Variants in TMTC2 observed in about 807,000 individuals in gnomAD.
TMTC2 encodes the protein protein O-mannosyl-transferase TMTC2.
A neutral mutation model predicts 82.4 loss-of-function variants in TMTC2; 43 were observed. That is an observed-to-expected ratio of 0.52 (90% CI 0.41 to 0.67). The LOEUF is 0.67. Ranked by LOEUF, TMTC2 falls within the 30% of genes least tolerant of loss-of-function variation. TMTC2 has a pLI of 0.00. For synonymous variants in TMTC2, 408 were observed against 381.9 expected (o/e 1.07, Z -0.80); for missense variants, 919 against 1,012.4 (o/e 0.91, Z 1.25).
intron 1 of TMTC2, among the ~76,000 whole-genome samples, chr12:82,773,209 A>T (rs1378458861): frequency 6.6e-6 from 1 of 152,196 alleles, no homozygotes; most frequent in Non-Finnish European, 1.5e-5. Flanking sequence ...CAGTGACTAC[A>T]GCTTCTATGT....
chr12:83,077,825 G>A (rs559778053), intron 11 of TMTC2, among the ~76,000 whole-genome samples: 9 of 148,116 alleles, frequency 6.1e-5, no homozygotes, highest in Middle Eastern at 3.7e-3. Context: ...CACCTACTTC[G>A]GCCTCCCAAA....
chr12:82,983,604 A>G (rs1879024834), intron 7 of TMTC2, among the ~76,000 whole-genome samples: 1 of 152,108 alleles, frequency 6.6e-6, no homozygotes, highest in Admixed American at 6.6e-5. Flanking sequence ...TTTTCTGTAC[A>G]GAAGACCTAG....
intron 1 of TMTC2, among the ~76,000 whole-genome samples, chr12:82,794,064 A>G (rs1177524796): frequency 1.1e-4 from 16 of 152,132 alleles, no homozygotes; most frequent in Admixed American, 1.0e-3. Context: ...AGGGTGCTTC[A>G]GTCACTCACT....
At chr12:82,691,691 C>G (rs1592851160) in intron 1 of TMTC2, among the ~76,000 whole-genome samples, 3 of 152,126 alleles carry the variant, frequency 2.0e-5, no homozygotes. Flanking sequence ...AAAGTTCTCT[C>G]TAATAGACTT....
At chr12:82,764,224 G>A (rs1172238218) in intron 1 of TMTC2, among the ~76,000 whole-genome samples, 7 of 152,022 alleles carry the variant, frequency 4.6e-5, no homozygotes, top group Non-Finnish European at 8.8e-5. Context: ...TGCAACCTCC[G>A]CCTCCCGGGT....
At chr12:82,812,668 T>A (rs1329476441) in intron 1 of TMTC2, among the ~76,000 whole-genome samples, 2 of 152,116 alleles carry the variant, frequency 1.3e-5, no homozygotes, top group East Asian at 3.8e-4. Flanking sequence ...TGTAGGTTTA[T>A]TGAAATAATT....
intron 7 of TMTC2, among the ~76,000 whole-genome samples, chr12:82,970,134 T>A (rs1241025001): frequency 1.3e-5 from 2 of 152,218 alleles, no homozygotes; most frequent in Non-Finnish European, 2.9e-5. Flanking sequence ...AAATTATGGC[T>A]TTGATACTTT....
At chr12:82,836,318 T>C (rs1318851699) in intron 1 of TMTC2, among the ~76,000 whole-genome samples, 1 of 152,164 alleles carries the variant, frequency 6.6e-6, no homozygotes, top group Non-Finnish European at 1.5e-5. Flanking sequence ...ACAGATATGA[T>C]TGAATTAAGA....
At chr12:82,931,837 G>A (rs1257677908) in intron 4 of TMTC2, among the ~76,000 whole-genome samples, 3 of 152,052 alleles carry the variant, frequency 2.0e-5, no homozygotes, top group Non-Finnish European at 2.9e-5. Flanking sequence ...TATTAATCCC[G>A]GAAAAAGTTG....
intron 7 of TMTC2, among the ~76,000 whole-genome samples, chr12:82,977,589 T>C (rs1878730433): frequency 1.3e-5 from 2 of 151,818 alleles, no homozygotes; most frequent in African/African-American, 4.8e-5. Context: ...AAAGTATATT[T>C]CATGTGGAAT....
intron 2 of TMTC2, among the ~76,000 whole-genome samples, chr12:82,862,004 A>T (rs1347643796): frequency 6.6e-6 from 1 of 152,212 alleles, no homozygotes; most frequent in Non-Finnish European, 1.5e-5. Context: ...TACAATGAGA[A>T]TTTCATTCCT....
intron 3 of TMTC2, among the ~76,000 whole-genome samples, chr12:82,916,488 C>G (rs1565808363): frequency 6.6e-6 from 1 of 152,018 alleles, no homozygotes; most frequent in East Asian, 1.9e-4. Flanking sequence ...CATGCAAACC[C>G]CAAAATAAAA....
intron 1 of TMTC2, among the ~76,000 whole-genome samples, chr12:82,702,325 A>G (rs1873125503): frequency 6.6e-6 from 1 of 152,200 alleles, no homozygotes; most frequent in African/African-American, 2.4e-5. Flanking sequence ...GTCTAACAGC[A>G]AGTGGAAAGC....
chr12:83,074,874 G>A (rs976760319), intron 11 of TMTC2, among the ~76,000 whole-genome samples: 2 of 152,096 alleles, frequency 1.3e-5, no homozygotes, highest in Admixed American at 6.5e-5. Context: ...TAAGCTCCCC[G>A]CTAAGTTCAG....
intron 7 of TMTC2, among the ~76,000 whole-genome samples, chr12:82,970,347 C>CG (rs1435990560): frequency 1.3e-5 from 2 of 152,228 alleles, no homozygotes; most frequent in African/African-American, 4.8e-5. Context: ...CTTTTTGAGA[C>CG]GGAGTCTCGC....
chr12:82,879,993 A>T (rs1212971831), intron 2 of TMTC2, among the ~76,000 whole-genome samples: 1 of 152,208 alleles, frequency 6.6e-6, no homozygotes, highest in Non-Finnish European at 1.5e-5. Context: ...AGGCAATTAT[A>T]CACAGCCTTC....
intron 11 of TMTC2, among the ~76,000 whole-genome samples, chr12:83,077,200 T>C (rs1883308470): frequency 6.6e-6 from 1 of 152,102 alleles, no homozygotes; most frequent in Non-Finnish European, 1.5e-5. Flanking sequence ...ATTTGAGAAA[T>C]GGCATGTGCA....
At chr12:83,074,280 C>T (rs1160813432) in intron 11 of TMTC2, among the ~76,000 whole-genome samples, 1 of 152,154 alleles carries the variant, frequency 6.6e-6, no homozygotes, top group African/African-American at 2.4e-5. Flanking sequence ...CTACCAGGCT[C>T]CGTGCTGGTA....
At chr12:82,842,678 C>G (rs1178516761) in intron 1 of TMTC2, among the ~76,000 whole-genome samples, 1 of 152,118 alleles carries the variant, frequency 6.6e-6, no homozygotes. Context: ...TCTCACAGTT[C>G]TAGACTTTAG....
Sources: gnomAD v4.1 joint callset for allele counts (sites outside exome capture counted in the v4.1 genomes callset) on GRCh38, gnomAD v4.1.1 for gene constraint, MANE v1.5 for transcripts, NCBI Gene and HGNC (gene_info 2026-07-23, HGNC 2026-07-21) for gene names.